GCNT4: variants seen among roughly 807,000 people sequenced by gnomAD.
GCNT4 encodes glucosaminyl (N-acetyl) transferase 4, also known as beta-1,3-galactosyl-O-glycosyl-glycoprotein beta-1,6-N-acetylglucosaminyltransferase 4.
In GCNT4, 17 loss-of-function variants were observed where a neutral mutation model predicts 31.3. The ratio of observed to expected loss-of-function variants is 0.54; its 90% CI spans 0.37 to 0.81. The LOEUF (loss-of-function observed/expected upper bound fraction) is 0.81. Ranked by LOEUF, GCNT4 falls within the 40% of genes least tolerant of loss-of-function variation. GCNT4 has a pLI of 0.00. For synonymous variants in GCNT4, 158 were observed against 190.6 expected (o/e 0.83, Z 1.41); for missense variants, 503 against 525.5 (o/e 0.96, Z 0.42).
Position 75,042,021 on chromosome 5 carries a change from T to C in GCNT4, c.-2+5876A>G, listed in dbSNP as rs75348645. ...TCAAAAATACTTATGCCTTCAAATT[T>C]CAGTTTGATGAAAAAGCTCACATGA... is the stretch of plus-strand genomic sequence containing the variant. On this transcript the variant is annotated intron_variant, in intron 3 of 3. Coordinates refer to ENST00000652361, the MANE Select transcript of GCNT4 (RefSeq NM_001366737.1). 2.0e-4 allele frequency among the ~76,000 whole-genome samples: 31 copies of C among 152,330 alleles called. No homozygotes were observed. In the East Asian group the frequency reaches 6.0e-3, roughly 29 times the overall value.
chr5:75,029,881 AG>A lies in GCNT4; in HGVS notation c.156del (p.Ser53ArgfsTer4), dbSNP rs774785320. On this transcript the variant is annotated frameshift_variant, in exon 4 of 4. Coordinates refer to ENST00000652361, the MANE Select transcript of GCNT4 (RefSeq NM_001366737.1). LOFTEE classifies it high-confidence loss of function. ...GTGTATCTGTTTCTTACAAAAGGCG[AG>A]GTACTTAGGGAGTACTCAACCAAGT... ...DIYLVEYSLSTSPFVRNRYTH... is the reference protein window; with the variant it reads ...DIYLVEYSLSXSPFVRNRYTH... 3 of 1,614,198 alleles carry A rather than the reference AG, an allele frequency of 1.9e-6. No homozygotes were observed. In the South Asian group the frequency reaches 3.3e-5, roughly 18 times the overall value.
At chr5:75,051,269 G>A (rs1278353742) in intron 2 of GCNT4, among the ~76,000 whole-genome samples, 1 of 152,238 alleles carries the variant, frequency 6.6e-6, no homozygotes, top group Non-Finnish European at 1.5e-5. Context: ...GATGCAGTGA[G>A]CTGCAGCACA....
intron 3 of GCNT4, among the ~76,000 whole-genome samples, chr5:75,045,265 T>C (rs1458651625): frequency 3.3e-5 from 5 of 152,214 alleles, no homozygotes; most frequent in Admixed American, 6.5e-5. Flanking sequence ...TGAAACTCTA[T>C]ACAAATTAAA....
rs1398356884 is a variant in GCNT4 at position 75,037,856 on chromosome 5, C to A, written c.-1-7818G>T. 2.7e-4 allele frequency among the ~76,000 whole-genome samples: 40 copies of A among 147,240 alleles called. No individual in the cohort carries two copies. The Admixed American group carries it at 2.8e-3, about 10-fold the overall frequency. ...TCATGCCAGTGCACTCCAGCCTGGGCAAGGCAAGATTCAGTCTCAAAAAAA... is the reference window on the plus strand; with the variant it reads ...TCATGCCAGTGCACTCCAGCCTGGGAAAGGCAAGATTCAGTCTCAAAAAAA... On this transcript the variant is annotated intron_variant, in intron 3 of 3. Transcript: ENST00000652361.
chr5:75,032,034 C>T (rs192248339), intron 3 of GCNT4, among the ~76,000 whole-genome samples: 1 of 152,310 alleles, frequency 6.6e-6, no homozygotes, highest in East Asian at 1.9e-4. Context: ...TATACAGACC[C>T]ATTGACAAAA....
At chr5:75,024,280 T>C (rs987977483), downstream of GCNT4, among the ~76,000 whole-genome samples, 9 of 152,208 alleles carry the variant, frequency 5.9e-5, no homozygotes, top group South Asian at 2.1e-4. Context: ...AATAGTCCCC[T>C]GTTCCTGAAA....
chr5:75,042,653 A>T (rs1196050250), intron 3 of GCNT4, among the ~76,000 whole-genome samples: 1 of 152,182 alleles, frequency 6.6e-6, no homozygotes, highest in Non-Finnish European at 1.5e-5. Flanking sequence ...CTGAGTTTAA[A>T]ATCATCACCC....
chr5:75,032,180 T>C (rs1451416326), intron 3 of GCNT4, among the ~76,000 whole-genome samples: 1 of 152,174 alleles, frequency 6.6e-6, no homozygotes, highest in Non-Finnish European at 1.5e-5. Flanking sequence ...CTCTCCTCTG[T>C]GGACTGCCCC....
At chr5:75,019,745 CA>C in the GCNT4 span, among the ~76,000 whole-genome samples, 14 of 152,164 alleles carry the variant, frequency 9.2e-5, no homozygotes, top group Non-Finnish European at 1.9e-4. Context: ...GTAATATACA[CA>C]AGGAGCTGAG....
intron 3 of GCNT4, among the ~76,000 whole-genome samples, chr5:75,039,645 T>C (rs1369341313): frequency 1.3e-5 from 2 of 152,140 alleles, no homozygotes; most frequent in Non-Finnish European, 2.9e-5. Flanking sequence ...CTTTCCAATC[T>C]CCTGGCAGTA....
At position 75,029,782 on chromosome 5, in the gene GCNT4, T is replaced by A. The variant is rs1408780743; in HGVS notation, c.256A>T (p.Lys86Ter). The A allele has an allele frequency of 1.2e-6, 2 of 1,614,048 alleles. No homozygotes were observed. The highest frequency in any genetic ancestry group is 2.7e-5 in the African/African-American group (2 of 74,942). The change falls in exon 4 of 4, where the codon AAG becomes TAG. Residue 86 changes from lysine (K) to a stop codon, truncating the protein, a stop_gained. Transcript: ENST00000652361. LOFTEE classifies it high-confidence loss of function. ...IYEQEPLEIG[K>*]SLEIRRRDII... The stretch of plus-strand genomic sequence containing the variant: ...TCCCTTCTTCTTATTTCCAGACTCT[T>A]TCCAATTTCCAAAGGCTCCTGTTCA...
At chr5:75,053,121 CT>C (rs539652825), upstream of GCNT4, among the ~76,000 whole-genome samples, 1 of 152,002 alleles carries the variant, frequency 6.6e-6, no homozygotes, top group South Asian at 2.1e-4. Context: ...GCCCGCTGCC[CT>C]TTCCCCCCGC....
At chr5:75,051,692 T>A (rs529024497) in intron 2 of GCNT4, among the ~76,000 whole-genome samples, 1 of 152,348 alleles carries the variant, frequency 6.6e-6, no homozygotes, top group Non-Finnish European at 1.5e-5. Context: ...CCAGGTGCCA[T>A]AAAGTGCTAA....
downstream of GCNT4, among the ~76,000 whole-genome samples, chr5:75,020,384 G>T (rs558706647): frequency 6.6e-6 from 1 of 152,218 alleles, no homozygotes; most frequent in African/African-American, 2.4e-5. Context: ...CAGAGGGGGA[G>T]CCAGGAACTG....
chr5:75,035,781 A>C (rs1743184747), intron 3 of GCNT4, among the ~76,000 whole-genome samples: 1 of 152,096 alleles, frequency 6.6e-6, no homozygotes, highest in Non-Finnish European at 1.5e-5. Context: ...TTGCAACTTG[A>C]CTGTTGATAC....
chr5:75,040,453 G>A (rs1291546738), intron 3 of GCNT4, among the ~76,000 whole-genome samples: 1 of 152,178 alleles, frequency 6.6e-6, no homozygotes, highest in African/African-American at 2.4e-5. Context: ...GTACGGGGTA[G>A]TTGCTCAATG....
chr5:75,018,554 C>T, the GCNT4 span, among the ~76,000 whole-genome samples: 4 of 152,212 alleles, frequency 2.6e-5, no homozygotes, highest in East Asian at 3.9e-4. Flanking sequence ...CTTCTGACCT[C>T]GTGATCCCCC....
downstream of GCNT4, among the ~76,000 whole-genome samples, chr5:75,023,382 C>G (rs1033558689): frequency 2.0e-5 from 3 of 152,090 alleles, no homozygotes; most frequent in African/African-American, 4.8e-5. Context: ...TGATTTATAA[C>G]AAACATACAT....
At chr5:75,020,744 T>C (rs370030489), downstream of GCNT4, among the ~76,000 whole-genome samples, 1 of 152,302 alleles carries the variant, frequency 6.6e-6, no homozygotes. Flanking sequence ...TGACCACTTC[T>C]GACCTACAAA....
Sources: gnomAD v4.1 joint callset for allele counts (sites outside exome capture counted in the v4.1 genomes callset) on GRCh38, gnomAD v4.1.1 for gene constraint, MANE v1.5 for transcripts, NCBI Gene and HGNC (gene_info 2026-07-23, HGNC 2026-07-21) for gene names.